Variants in PDE3B observed in about 807,000 individuals in gnomAD.
PDE3B encodes the protein phosphodiesterase 3B, also known as cGMP-inhibited 3',5'-cyclic phosphodiesterase 3B.
In PDE3B, 66 loss-of-function variants were observed where a neutral mutation model predicts 116.8. That is an observed-to-expected ratio of 0.56 (90% CI 0.46 to 0.69). The LOEUF (loss-of-function observed/expected upper bound fraction) is 0.69. Ranked by LOEUF, PDE3B falls within the 30% of genes least tolerant of loss-of-function variation. The probability of loss-of-function intolerance (pLI) is 0.00; values close to 1 mark genes in which losing one functional copy is unlikely to be tolerated. For synonymous variants in PDE3B, 595 were observed against 533.6 expected (o/e 1.12, Z -1.59); for missense variants, 1,384 against 1,368.1 (o/e 1.01, Z -0.18).
At chr11:14,703,687 C>T (rs984574263) in intron 1 of PDE3B, among the ~76,000 whole-genome samples, 36 of 151,450 alleles carry the variant, frequency 2.4e-4, no homozygotes, top group African/African-American at 6.8e-4. Flanking sequence ...CCTCTTTTTC[C>T]GTTATGTGGA....
At chr11:14,863,232 TAGTATTCCATGGTATATATGTGCCAC>T in intron 14 of PDE3B, among the ~76,000 whole-genome samples, 1 of 152,204 alleles carries the variant, frequency 6.6e-6, no homozygotes, top group East Asian at 1.9e-4. Context: ...TATAACTGCA[TAGTATTCCATGGTATATATGTGCCAC>T]ATTTTCTTTA....
chr11:14,764,978 C>G (rs1857457303), intron 1 of PDE3B, among the ~76,000 whole-genome samples: 1 of 151,006 alleles, frequency 6.6e-6, no homozygotes, highest in Admixed American at 6.6e-5. Context: ...GGAAATATAG[C>G]TTTAGTTAGT....
intron 12 of PDE3B, 67 bp from the exon 13 acceptor site, chr11:14,858,976 G>T: frequency 9.0e-7 from 1 of 1,107,928 alleles, no homozygotes; most frequent in South Asian, 1.4e-5. Flanking sequence ...CTTCCAACCT[G>T]ATATTAAAGA....
intron 6 of PDE3B, among the ~76,000 whole-genome samples, chr11:14,818,627 T>G (rs1483986650): frequency 2.6e-5 from 4 of 152,136 alleles, no homozygotes; most frequent in Non-Finnish European, 5.9e-5. Flanking sequence ...TTTAATAAAG[T>G]ATTACCAGTT....
chr11:14,688,136 T>TCTCTCTCC (rs1326681711), intron 1 of PDE3B, among the ~76,000 whole-genome samples: 24 of 136,976 alleles, frequency 1.8e-4, no homozygotes, highest in African/African-American at 6.3e-4. Flanking sequence ...TCTCTCTCTC[T>TCTCTCTCC]CTCTCTCCCT....
At chr11:14,671,042 C>T (rs1854350734) in intron 1 of PDE3B, among the ~76,000 whole-genome samples, 2 of 151,976 alleles carry the variant, frequency 1.3e-5, no homozygotes, top group Admixed American at 1.3e-4. Flanking sequence ...TACAAATGTG[C>T]CAGGTATTGC....
rs530136394 is a variant in PDE3B, at chr11:14,668,977, G to A, written c.978+23924G>A. Among the ~76,000 whole-genome samples, 47 of 152,172 alleles carry A rather than the reference G, an allele frequency of 3.1e-4. No individual in the cohort carries two copies. In the South Asian group the frequency reaches 8.9e-3, roughly 29 times the overall value. On this transcript the variant is annotated intron_variant, in intron 1 of 15. Coordinates refer to ENST00000282096, the MANE Select transcript of PDE3B (RefSeq NM_000922.4). ...CTGGGGACCCTCTGTAAGAGTGAGC[G>A]TCCTAATGAAAATAGATGGCACACT...
chr11:14,891,483 A>G, the PDE3B span: 1 of 986,924 alleles, frequency 1.0e-6, no homozygotes, highest in Non-Finnish European at 1.2e-6. Context: ...CCATTCTCAC[A>G]GCAAACGCCT....
At chr11:14,708,432 G>A (rs1338011055) in intron 1 of PDE3B, among the ~76,000 whole-genome samples, 1 of 151,952 alleles carries the variant, frequency 6.6e-6, no homozygotes. Flanking sequence ...ATAAGACATT[G>A]GCTAAGTCCT....
At chr11:14,707,692 T>C (rs1284354235) in intron 1 of PDE3B, among the ~76,000 whole-genome samples, 1 of 152,002 alleles carries the variant, frequency 6.6e-6, no homozygotes, top group Non-Finnish European at 1.5e-5. Flanking sequence ...AATATGGGCA[T>C]ACTACTCTTT....
rs1174368776 is a variant in PDE3B, at chr11:14,871,987, TG to T, written c.*2328del. On this transcript the variant is annotated 3_prime_UTR_variant, in exon 16 of 16. Transcript: ENST00000282096. ...GCTGGTACTAGAAATATTCTTTTAA[TG>T]CTATATCTATGTACCTACTGACACA... The T allele has an allele frequency of 1.3e-5, 2 of 152,254 alleles. No individual in the cohort carries two copies. The highest frequency in any genetic ancestry group is 4.8e-5 in the African/African-American group (2 of 41,480). 9.4% of individuals were successfully genotyped at this position (152,254 alleles called of 1,614,324 possible).
At chr11:14,822,115 C>T (rs752712372) in intron 7 of PDE3B, among the ~76,000 whole-genome samples, 23 of 152,006 alleles carry the variant, frequency 1.5e-4, no homozygotes, top group Non-Finnish European at 2.6e-4. Flanking sequence ...GTTGCCCAGG[C>T]CAGTCCCAAA....
intron 1 of PDE3B, among the ~76,000 whole-genome samples, chr11:14,670,465 A>G (rs1854327939): frequency 6.6e-6 from 1 of 152,082 alleles, no homozygotes; most frequent in Admixed American, 6.6e-5. Context: ...CTTCATGAGA[A>G]CCTCCAGTAT....
In PDE3B at chr11:14,646,099, A is replaced by G. The variant is rs573996502; in HGVS notation, c.978+1046A>G. On this transcript the variant is annotated intron_variant, in intron 1 of 15. Transcript: ENST00000282096. ...TGTTCTGCACGACTAACTGGTAAGT[A>G]TAGTGGTTTTAAGTAGGAGAGTAAG... Among the ~76,000 whole-genome samples, 316 of 152,320 alleles carry G rather than the reference A, an allele frequency of 2.1e-3. 2 individuals carry two copies. Among genetic ancestry groups the G allele is most frequent in the Non-Finnish European group, 3.9e-3 (263 of 68,018 alleles).
intron 1 of PDE3B, among the ~76,000 whole-genome samples, chr11:14,702,300 A>C (rs959366991): frequency 4.0e-5 from 6 of 151,772 alleles, no homozygotes; most frequent in Non-Finnish European, 7.4e-5. Flanking sequence ...GAGATTATTA[A>C]TAAGAGTTTA....
rs866510003 is a variant in PDE3B at position 14,644,052 on chromosome 11, C to T, written c.-24C>T. ...CGGTACGAGCGGGGTGTGCTGAGTC[C>T]CGTGGCCACCCCCGGCCCCAGCCAT... is the stretch of plus-strand genomic sequence containing the variant. On this transcript the variant is annotated 5_prime_UTR_variant, in exon 1 of 16. Coordinates refer to ENST00000282096, the MANE Select transcript of PDE3B (RefSeq NM_000922.4). 1 of 1,480,126 alleles carries T rather than the reference C, an allele frequency of 6.8e-7. No individual in the cohort carries two copies. The highest frequency in any genetic ancestry group is 8.9e-7 in the Non-Finnish European group (1 of 1,126,250). 91.7% of individuals were successfully genotyped at this position (1,480,126 alleles called of 1,614,324 possible).
chr11:14,679,932 C>T (rs747743211), intron 1 of PDE3B, among the ~76,000 whole-genome samples: 8 of 151,974 alleles, frequency 5.3e-5, no homozygotes, highest in Admixed American at 1.3e-4. Context: ...TTTGCTCCAT[C>T]ACTGTAGTGG....
downstream of PDE3B, chr11:14,872,113 C>T (rs1343581376): frequency 6.6e-6 from 1 of 151,810 alleles, no homozygotes; most frequent in African/African-American, 2.4e-5. Context: ...TTGGCTTTTT[C>T]TACTTATTTT....
At chr11:14,779,416 G>A (rs1269031750) in intron 2 of PDE3B, among the ~76,000 whole-genome samples, 2 of 152,234 alleles carry the variant, frequency 1.3e-5, no homozygotes, top group Non-Finnish European at 2.9e-5. Context: ...GGCAGCCAGA[G>A]AGAAAGGTCG....
Sources: allele counts gnomAD v4.1 joint callset (sites outside exome capture counted in the v4.1 genomes callset), GRCh38; gene constraint gnomAD v4.1.1; transcripts MANE v1.5; gene names NCBI Gene and HGNC (gene_info 2026-07-23, HGNC 2026-07-21).